Variants in SDC2 observed in about 807,000 individuals in gnomAD.
The protein encoded by SDC2 is syndecan 2.
A neutral mutation model predicts 22.2 loss-of-function variants in SDC2; 13 were observed. The ratio of observed to expected loss-of-function variants is 0.59; its 90% CI spans 0.38 to 0.93. SDC2 has a LOEUF of 0.93. Ranked by LOEUF, SDC2 falls within the 40% of genes least tolerant of loss-of-function variation. SDC2 has a pLI of 0.00. For missense variants in SDC2, 235 were observed against 246.8 expected, an observed-to-expected ratio of 0.95 and a Z score of 0.32; for synonymous variants, 94 against 92.8, an observed-to-expected ratio of 1.01 and a Z score of -0.07.
intron 2 of SDC2, among the ~76,000 whole-genome samples, chr8:96,601,914 A>G (rs1333165558): frequency 1.3e-5 from 2 of 150,586 alleles, no homozygotes; most frequent in Non-Finnish European, 2.9e-5. Context: ...GTGCGCCGCC[A>G]CGCCCAGCTA....
At chr8:96,528,038 C>T (rs1480242201) in intron 1 of SDC2, among the ~76,000 whole-genome samples, 2 of 148,674 alleles carry the variant, frequency 1.3e-5, no homozygotes, top group African/African-American at 5.0e-5. Flanking sequence ...CAAAATAGCA[C>T]TTTTCAAAAC....
intron 1 of SDC2, among the ~76,000 whole-genome samples, chr8:96,530,088 A>G (rs1475147650): frequency 6.6e-6 from 1 of 152,168 alleles, no homozygotes; most frequent in Non-Finnish European, 1.5e-5. Context: ...TAAACACTAT[A>G]TACATTAAAG....
At chr8:96,524,318 A>G (rs201194906) in intron 1 of SDC2, among the ~76,000 whole-genome samples, 1 of 152,164 alleles carries the variant, frequency 6.6e-6, no homozygotes, top group African/African-American at 2.4e-5. Context: ...TGTCATTATC[A>G]TGGCTGACCT....
intron 1 of SDC2, among the ~76,000 whole-genome samples, chr8:96,547,273 T>C (rs1813949409): frequency 6.6e-6 from 1 of 152,222 alleles, no homozygotes; most frequent in Admixed American, 6.5e-5. Flanking sequence ...TACTTGCATG[T>C]CATGACTTGA....
At chr8:96,537,436 G>A (rs1467658395) in intron 1 of SDC2, 6 of 151,282 alleles carry the variant, frequency 4.0e-5, no homozygotes, top group South Asian at 2.1e-4. Context: ...GTATCCAAGA[G>A]GAGTCATAAA....
At chr8:96,609,328 C>G (rs115717665) in intron 4 of SDC2, 57 bp from the exon 5 acceptor site, 3 of 1,376,268 alleles carry the variant, frequency 2.2e-6, no homozygotes, top group Non-Finnish European at 3.0e-6. Context: ...GACAATAAAG[C>G]TAATGTCTGC....
intron 1 of SDC2, among the ~76,000 whole-genome samples, chr8:96,509,575 C>T (rs1334104081): frequency 7.1e-6 from 1 of 141,788 alleles, no homozygotes; most frequent in Non-Finnish European, 1.6e-5. Context: ...ATTACATAAA[C>T]TTGGGGAGCT....
intron 1 of SDC2, among the ~76,000 whole-genome samples, chr8:96,519,408 A>G (rs576418673): frequency 2.6e-5 from 4 of 152,228 alleles, no homozygotes; most frequent in Non-Finnish European, 4.4e-5. Flanking sequence ...AAATGTTTCA[A>G]AATGACATAT....
chr8:96,588,553 G>A (rs758504396), intron 1 of SDC2, among the ~76,000 whole-genome samples: 5 of 152,128 alleles, frequency 3.3e-5, no homozygotes, highest in African/African-American at 4.8e-5. Context: ...TGCCTTTACC[G>A]TAAAACAGGA....
intron 1 of SDC2, among the ~76,000 whole-genome samples, chr8:96,544,269 C>T (rs991674980): frequency 1.3e-5 from 2 of 152,174 alleles, no homozygotes; most frequent in African/African-American, 4.8e-5. Flanking sequence ...AAATTATCAC[C>T]ATCCTACCGG....
intron 3 of SDC2, among the ~76,000 whole-genome samples, chr8:96,604,755 G>A (rs1175230169): frequency 6.6e-6 from 1 of 152,108 alleles, no homozygotes; most frequent in Non-Finnish European, 1.5e-5. Flanking sequence ...CATTTCCATG[G>A]CATCCAAACA....
intron 1 of SDC2, among the ~76,000 whole-genome samples, chr8:96,548,208 C>T (rs1813967322): frequency 1.3e-5 from 2 of 152,144 alleles, no homozygotes; most frequent in Admixed American, 1.3e-4. Context: ...ACTGAAGTAG[C>T]TGATTTTTGT....
intron 1 of SDC2, among the ~76,000 whole-genome samples, chr8:96,534,291 G>A (rs1369258375): frequency 5.3e-5 from 8 of 152,206 alleles, no homozygotes. Flanking sequence ...CCCACCTCTC[G>A]AACGTGGCCA....
At chr8:96,533,064 T>C (rs1156374209) in intron 1 of SDC2, among the ~76,000 whole-genome samples, 2 of 152,196 alleles carry the variant, frequency 1.3e-5, no homozygotes, top group African/African-American at 4.8e-5. Flanking sequence ...TAGATGTGTT[T>C]GGAGTTTTTT....
At chr8:96,603,098 GACCAGCT>G (rs1409453964) in intron 3 of SDC2, among the ~76,000 whole-genome samples, 3 of 152,188 alleles carry the variant, frequency 2.0e-5, no homozygotes, top group African/African-American at 7.2e-5. Context: ...TGAGTAAAGT[GACCAGCT>G]AATGAAAACT....
chr8:96,603,057 T>G (rs1369966025), intron 3 of SDC2, among the ~76,000 whole-genome samples: 1 of 152,222 alleles, frequency 6.6e-6, no homozygotes, highest in East Asian at 1.9e-4. Context: ...GAGAGCTGAC[T>G]TATTAAGAAT....
Position 96,509,221 on chromosome 8 carries a change from G to T in SDC2, c.60+14890G>T, listed in dbSNP as rs1244695837. ...GTCATAGTAGCCACCTCATAGAGGT[G>T]TTGTGAGGGCTAATGCCTTAATTAA... On this transcript the variant is annotated intron_variant, in intron 1 of 4. Transcript: ENST00000302190. Among the ~76,000 whole-genome samples the T allele has an allele frequency of 1.4e-5, 2 of 141,890 alleles. 1 individual carries two copies. The allele number at this position is 141,890 out of a possible 152,430, so 93.1% of individuals were successfully genotyped here.
intron 3 of SDC2, among the ~76,000 whole-genome samples, chr8:96,607,536 A>G (rs1055965385): frequency 2.6e-5 from 4 of 152,224 alleles, no homozygotes; most frequent in African/African-American, 7.2e-5. Flanking sequence ...ATTAATTACT[A>G]CTTAGACTTG....
intron 2 of SDC2, among the ~76,000 whole-genome samples, chr8:96,596,873 G>A (rs550132380): frequency 7.9e-5 from 12 of 152,304 alleles, no homozygotes; most frequent in East Asian, 5.8e-4. Context: ...GAGTTAGTTC[G>A]CAGTGGGGAG....
Sources: allele counts gnomAD v4.1 joint callset (sites outside exome capture counted in the v4.1 genomes callset), GRCh38; gene constraint gnomAD v4.1.1; transcripts MANE v1.5; gene names NCBI Gene and HGNC (gene_info 2026-07-23, HGNC 2026-07-21).